Variants in NDUFA12 observed in about 807,000 individuals in gnomAD.
NDUFA12 encodes NADH dehydrogenase [ubiquinone] 1 alpha subcomplex subunit 12.
NDUFA12 carries 17 observed loss-of-function variants against 20.3 expected under a neutral mutation model. That is an observed-to-expected ratio of 0.84 (90% CI 0.57 to 1.26). The LOEUF is 1.26. Ranked by LOEUF, NDUFA12 falls within the 50% of genes most tolerant of loss-of-function variation. The probability of loss-of-function intolerance (pLI) is 0.00; values close to 1 mark genes in which losing one functional copy is unlikely to be tolerated. For synonymous variants in NDUFA12, 72 were observed against 63.6 expected (o/e 1.13, Z -0.63); for missense variants, 191 against 183.7 (o/e 1.04, Z -0.23).
chr12:95,002,913 C>A (rs1178813149), intron 1 of NDUFA12, 92 bp from the exon 2 acceptor site: 2 of 1,073,948 alleles, frequency 1.9e-6, no homozygotes, highest in Non-Finnish European at 2.9e-6. Flanking sequence ...CTTTCAGACA[C>A]AAGGGCTGCT....
intron 3 of NDUFA12, among the ~76,000 whole-genome samples, chr12:94,977,673 T>G (rs1449121861): frequency 1.3e-5 from 2 of 152,284 alleles, no homozygotes; most frequent in South Asian, 2.1e-4. Flanking sequence ...GAAAACTGAT[T>G]ATCATACCCA....
intron 3 of NDUFA12, among the ~76,000 whole-genome samples, chr12:94,974,683 G>A (rs1177325953): frequency 6.6e-6 from 1 of 152,162 alleles, no homozygotes; most frequent in Non-Finnish European, 1.5e-5. Context: ...ACAACATCCT[G>A]TCATTAGTAA....
chr12:94,985,500 G>A (rs533170987), intron 3 of NDUFA12, among the ~76,000 whole-genome samples: 2 of 151,268 alleles, frequency 1.3e-5, no homozygotes, highest in East Asian at 1.9e-4. Context: ...GGTGGTCAGC[G>A]CCTGTAGTCC....
At chr12:94,977,373 G>A (rs1874091443) in intron 3 of NDUFA12, among the ~76,000 whole-genome samples, 1 of 152,018 alleles carries the variant, frequency 6.6e-6, no homozygotes, top group South Asian at 2.1e-4. Flanking sequence ...TCAGGAAGCT[G>A]AGGCAGAAGG....
chr12:94,977,656 A>G (rs1404964905), intron 3 of NDUFA12, among the ~76,000 whole-genome samples: 2 of 152,186 alleles, frequency 1.3e-5, no homozygotes, highest in African/African-American at 4.8e-5. Context: ...GGATCAGCTA[A>G]AGTGAAGAAA....
intron 3 of NDUFA12, among the ~76,000 whole-genome samples, chr12:94,975,293 T>C (rs904484929): frequency 1.3e-5 from 2 of 152,070 alleles, no homozygotes; most frequent in African/African-American, 4.8e-5. Flanking sequence ...AAAAGTCAAA[T>C]ATCCAATAGA....
At chr12:95,000,799 T>G (rs895659867) in intron 2 of NDUFA12, among the ~76,000 whole-genome samples, 1 of 152,174 alleles carries the variant, frequency 6.6e-6, no homozygotes, top group African/African-American at 2.4e-5. Flanking sequence ...GCTACTGGAA[T>G]TTTTTTATAT....
chr12:94,971,407 T>A lies in NDUFA12; in HGVS notation c.*33A>T. The A allele has an allele frequency of 6.3e-7, 1 of 1,595,296 alleles. No individual in the cohort carries two copies. The highest frequency in any genetic ancestry group is 8.6e-7 in the Non-Finnish European group (1 of 1,162,946). ...AAGAGTAATTACATGAAAAGCTCCA[T>A]ATTTTGCATGTTTCAACTGTTCTTC... On this transcript the variant is annotated 3_prime_UTR_variant, in exon 4 of 4. Coordinates refer to ENST00000327772, the MANE Select transcript of NDUFA12 (RefSeq NM_018838.5).
chr12:94,983,207 T>C (rs1874300458), intron 3 of NDUFA12, among the ~76,000 whole-genome samples: 1 of 152,184 alleles, frequency 6.6e-6, no homozygotes, highest in African/African-American at 2.4e-5. Flanking sequence ...CAACTCCTGC[T>C]GACCCCATCT....
intron 3 of NDUFA12, among the ~76,000 whole-genome samples, chr12:94,976,739 G>A (rs12581271): frequency 0.26 from 39,274 of 152,068 alleles, 5,379 homozygotes; most frequent in Non-Finnish European, 0.26. Context: ...TACAAGTGGT[G>A]GGATAACAGG....
At chr12:95,002,897 T>A in intron 1 of NDUFA12, 76 bp from the exon 2 acceptor site, 2 of 1,268,426 alleles carry the variant, frequency 1.6e-6, no homozygotes, top group Non-Finnish European at 2.3e-6. Context: ...AAAGTGAGAG[T>A]AACAACTTTC....
At chr12:95,001,690 T>C (rs1298848565) in intron 2 of NDUFA12, among the ~76,000 whole-genome samples, 2 of 152,142 alleles carry the variant, frequency 1.3e-5, no homozygotes, top group East Asian at 3.8e-4. Context: ...GTATGTTGGT[T>C]TGCAAGAATA....
intron 3 of NDUFA12, among the ~76,000 whole-genome samples, chr12:94,990,896 GA>G (rs933304584): frequency 6.6e-6 from 1 of 152,140 alleles, no homozygotes; most frequent in Non-Finnish European, 1.5e-5. Context: ...CACAGTATTT[GA>G]AAAACAAACA....
chr12:95,000,741 C>T (rs1048564563), intron 2 of NDUFA12, among the ~76,000 whole-genome samples: 2 of 152,186 alleles, frequency 1.3e-5, no homozygotes, highest in Non-Finnish European at 1.5e-5. Context: ...TTAACATGCA[C>T]ACAAAAAGCA....
chr12:95,002,757 C>T lies in NDUFA12; in HGVS notation c.151G>A (p.Asp51Asn). The stretch of plus-strand genomic sequence containing the variant: ...CACTCACCAAAAAATTGCTTGTTGT[C>T]TTCATAGTATTTGTTTCCATATTTG... ...EDKYGNKYYE[D>N]NKQFFGRHRW... is the part of the protein sequence containing the mutation. The change falls in exon 2 of 4, where the codon GAC becomes AAC. Residue 51 changes from aspartate to asparagine, a missense_variant. Asp to Asn is a conservative substitution (Grantham distance 23). Transcript: ENST00000327772. 1.2e-6 allele frequency: 2 copies of T among 1,613,954 alleles called. No individual in the cohort carries two copies. Among genetic ancestry groups the T allele is most frequent in the Non-Finnish European group, 1.7e-6 (2 of 1,179,866 alleles).
chr12:95,003,369 G>A lies in NDUFA12; in HGVS notation c.86+226C>T, dbSNP rs141862487. 2.1e-4 allele frequency among the ~76,000 whole-genome samples: 32 copies of A among 152,302 alleles called. 2 individuals are homozygous for A. The highest frequency in any genetic ancestry group is 1.3e-3 in the East Asian group (7 of 5,188). On this transcript the variant is annotated intron_variant, in intron 1 of 3. Coordinates refer to ENST00000327772, the MANE Select transcript of NDUFA12 (RefSeq NM_018838.5). ...CGTGGGAAAAGAGGGGAGCCCAGAT[G>A]CCCTTGCCTCCGAGTCACAGCTCTG... is the stretch of plus-strand genomic sequence containing the variant.
At chr12:95,000,316 G>T (rs1253074068) in intron 2 of NDUFA12, among the ~76,000 whole-genome samples, 2 of 152,126 alleles carry the variant, frequency 1.3e-5, no homozygotes, top group Admixed American at 6.6e-5. Flanking sequence ...GGACTTTGGG[G>T]ACTCAAGGGG....
intron 2 of NDUFA12, among the ~76,000 whole-genome samples, chr12:94,999,279 A>T (rs1332481583): frequency 6.6e-6 from 1 of 152,244 alleles, no homozygotes; most frequent in Non-Finnish European, 1.5e-5. Flanking sequence ...CTAGCAAGCC[A>T]CATGTAGAAG....
In NDUFA12 at chr12:94,985,626, C is replaced by CAAAAAAAAAA. The variant is rs35674364; in HGVS notation, c.257+8534_257+8543dup. Among the ~76,000 whole-genome samples, 11 of 43,566 alleles carry CAAAAAAAAAA rather than the reference C, an allele frequency of 2.5e-4. 3 individuals carry two copies. Among genetic ancestry groups the CAAAAAAAAAA allele is most frequent in the Non-Finnish European group, 4.7e-4 (11 of 23,458 alleles). The allele number at this position is 43,566 out of a possible 152,430, so 28.6% of individuals were successfully genotyped here. On this transcript the variant is annotated intron_variant, in intron 3 of 3. Coordinates refer to ENST00000327772, the MANE Select transcript of NDUFA12 (RefSeq NM_018838.5). ...TGGGAGACAGAACAAGACTCCATCT[C>CAAAAAAAAAA]AAAAAAAAAAAAAAAAAAAAAGCGG...
Sources: allele counts gnomAD v4.1 joint callset (sites outside exome capture counted in the v4.1 genomes callset), GRCh38; gene constraint gnomAD v4.1.1; transcripts MANE v1.5; gene names NCBI Gene and HGNC (gene_info 2026-07-23, HGNC 2026-07-21).